Variants in PAK5 observed in about 807,000 individuals in gnomAD.
PAK5 encodes the protein serine/threonine-protein kinase PAK 5.
A neutral mutation model predicts 65.9 loss-of-function variants in PAK5; 16 were observed. The observed-to-expected ratio is 0.24, with a 90% CI of 0.16 to 0.37. The LOEUF (loss-of-function observed/expected upper bound fraction) is 0.37, where lower values mean the gene tolerates loss of function less well. Ranked by LOEUF, PAK5 falls within the 10% of genes least tolerant of loss-of-function variation. PAK5 has a pLI of 1.00. For synonymous variants in PAK5, 371 were observed against 354.9 expected, an observed-to-expected ratio of 1.05 and a Z score of -0.51; for missense variants, 785 against 903.9, an observed-to-expected ratio of 0.87 and a Z score of 1.69.
intron 1 of PAK5, among the ~76,000 whole-genome samples, chr20:9,801,478 T>C (rs1455597649): frequency 6.6e-6 from 1 of 150,900 alleles, no homozygotes; most frequent in African/African-American, 2.4e-5. Context: ...GACTTGTATA[T>C]ATATATAAAC....
chr20:9,750,744 G>T (rs1411521665), intron 1 of PAK5, among the ~76,000 whole-genome samples: 1 of 152,110 alleles, frequency 6.6e-6, no homozygotes, highest in African/African-American at 2.4e-5. Context: ...CCTGCCCAAT[G>T]AGGATACATA....
chr20:9,686,711 C>T (rs1238478806), intron 2 of PAK5, among the ~76,000 whole-genome samples: 1 of 152,184 alleles, frequency 6.6e-6, no homozygotes, highest in Non-Finnish European at 1.5e-5. Flanking sequence ...CATACCTCTG[C>T]AGGTAACCCT....
chr20:9,624,487 G>A (rs1386724423), intron 3 of PAK5, among the ~76,000 whole-genome samples: 2 of 151,690 alleles, frequency 1.3e-5, no homozygotes, highest in East Asian at 3.9e-4. Flanking sequence ...TTTATGCCAT[G>A]TCCAGGATGG....
chr20:9,803,518 C>G (rs2049196621), intron 1 of PAK5, among the ~76,000 whole-genome samples: 1 of 152,094 alleles, frequency 6.6e-6, no homozygotes, highest in South Asian at 2.1e-4. Context: ...TGAAAGCAAA[C>G]AGCAGAAAAA....
chr20:9,826,431 G>A (rs1372717703), intron 1 of PAK5, among the ~76,000 whole-genome samples: 1 of 152,180 alleles, frequency 6.6e-6, no homozygotes, highest in Non-Finnish European at 1.5e-5. Context: ...TAACTGGTAA[G>A]TGATTCTTTC....
intron 3 of PAK5, among the ~76,000 whole-genome samples, chr20:9,606,384 T>C (rs556322636): frequency 9.9e-4 from 151 of 152,318 alleles, no homozygotes; most frequent in Admixed American, 1.9e-3. Flanking sequence ...AGCCAATTAC[T>C]CTTTTCTTTA....
chr20:9,542,814 T>C, intron 8 of PAK5, 94 bp from the exon 9 acceptor site: 14 of 1,088,062 alleles, frequency 1.3e-5, no homozygotes, highest in Non-Finnish European at 1.8e-5. Flanking sequence ...CACAAGTGAC[T>C]ATGGCACTTG....
At chr20:9,695,430 C>T (rs1332777864) in intron 2 of PAK5, among the ~76,000 whole-genome samples, 1 of 151,934 alleles carries the variant, frequency 6.6e-6, no homozygotes, top group Non-Finnish European at 1.5e-5. Flanking sequence ...AGTCTTTGCT[C>T]CCACCAAGTT....
chr20:9,753,893 T>C (rs2048603913), intron 1 of PAK5, among the ~76,000 whole-genome samples: 1 of 152,114 alleles, frequency 6.6e-6, no homozygotes, highest in South Asian at 2.1e-4. Flanking sequence ...CCTGAGCCCT[T>C]ATTTTGTGCT....
At chr20:9,741,478 A>G (rs1345247077) in intron 1 of PAK5, among the ~76,000 whole-genome samples, 4 of 152,062 alleles carry the variant, frequency 2.6e-5, no homozygotes, top group South Asian at 2.1e-4. Context: ...TGAGCTCAAT[A>G]TTGCTTTTGG....
intron 2 of PAK5, among the ~76,000 whole-genome samples, chr20:9,647,861 T>G (rs2047153275): frequency 6.6e-6 from 1 of 152,186 alleles, no homozygotes; most frequent in African/African-American, 2.4e-5. Context: ...ATTGTGACAT[T>G]CTATCAGCAG....
chr20:9,597,833 G>A (rs890865062), intron 3 of PAK5, among the ~76,000 whole-genome samples: 1 of 152,186 alleles, frequency 6.6e-6, no homozygotes, highest in South Asian at 2.1e-4. Flanking sequence ...GCCATGCTAG[G>A]CCAGCCAGCC....
chr20:9,653,194 G>A (rs2047222979), intron 2 of PAK5, among the ~76,000 whole-genome samples: 1 of 152,146 alleles, frequency 6.6e-6, no homozygotes, highest in Non-Finnish European at 1.5e-5. Context: ...ATAATATTGA[G>A]ATAATAGCAA....
At chr20:9,630,896 A>T (rs575420462) in intron 3 of PAK5, among the ~76,000 whole-genome samples, 1 of 152,054 alleles carries the variant, frequency 6.6e-6, no homozygotes, top group Non-Finnish European at 1.5e-5. Context: ...TACACCGGTT[A>T]TCCTGTGCTG....
At chr20:9,635,274 A>G (rs958152889) in intron 3 of PAK5, among the ~76,000 whole-genome samples, 2 of 152,210 alleles carry the variant, frequency 1.3e-5, no homozygotes, top group African/African-American at 4.8e-5. Flanking sequence ...TTAGATCAAT[A>G]TATTTGGTAC....
intron 1 of PAK5, among the ~76,000 whole-genome samples, chr20:9,821,798 A>G (rs1017458226): frequency 6.6e-6 from 1 of 152,156 alleles, no homozygotes; most frequent in African/African-American, 2.4e-5. Context: ...TTCTTTCTCC[A>G]TGCAAAATTA....
At chr20:9,807,703 G>A (rs1048683929) in intron 1 of PAK5, among the ~76,000 whole-genome samples, 2 of 151,270 alleles carry the variant, frequency 1.3e-5, no homozygotes, top group Non-Finnish European at 2.9e-5. Context: ...GGGGCCTTGT[G>A]GCTAGGTTTT....
chr20:9,598,086 G>C (rs1020234280), intron 3 of PAK5, among the ~76,000 whole-genome samples: 3 of 152,170 alleles, frequency 2.0e-5, no homozygotes, highest in African/African-American at 7.2e-5. Flanking sequence ...GCATGCATTA[G>C]CTACTTATCC....
intron 1 of PAK5, among the ~76,000 whole-genome samples, chr20:9,777,592 A>AT (rs1395110267): frequency 6.6e-6 from 1 of 152,258 alleles, no homozygotes; most frequent in Non-Finnish European, 1.5e-5. Context: ...TATTAGAAGC[A>AT]TAAGAAGAGA....
Sources: gnomAD v4.1 joint callset for allele counts (sites outside exome capture counted in the v4.1 genomes callset) on GRCh38, gnomAD v4.1.1 for gene constraint, MANE v1.5 for transcripts, NCBI Gene and HGNC (gene_info 2026-07-23, HGNC 2026-07-21) for gene names.